CCDC50: variants seen among roughly 807,000 people sequenced by gnomAD.
CCDC50 encodes coiled-coil domain-containing protein 50.
A neutral mutation model predicts 70.2 loss-of-function variants in CCDC50; 54 were observed. That is an observed-to-expected ratio of 0.77 (90% CI 0.62 to 0.96). The LOEUF (loss-of-function observed/expected upper bound fraction) is 0.96. CCDC50 is among the 50% of genes least tolerant of loss of function. The pLI is 0.00. For synonymous variants in CCDC50, 216 were observed against 198.8 expected, an observed-to-expected ratio of 1.09 and a Z score of -0.73; for missense variants, 558 against 578.7, an observed-to-expected ratio of 0.96 and a Z score of 0.37.
chr3:191,331,471 A>T (rs1717982128), intron 1 of CCDC50, among the ~76,000 whole-genome samples: 1 of 152,230 alleles, frequency 6.6e-6, no homozygotes, highest in South Asian at 2.1e-4. Flanking sequence ...TAATACATTT[A>T]AATTAGCTTT....
chr3:191,356,220 T>C (rs904697032), intron 1 of CCDC50, among the ~76,000 whole-genome samples: 1 of 152,152 alleles, frequency 6.6e-6, no homozygotes, highest in African/African-American at 2.4e-5. Context: ...GAATCCTTCA[T>C]GTTTTGTCTG....
intron 5 of CCDC50, 167 bp downstream of exon 5, chr3:191,370,203 C>T: frequency 1.6e-6 from 1 of 623,860 alleles, no homozygotes; most frequent in South Asian, 1.6e-5. Context: ...CTAATAAATT[C>T]ATGTTTTGTT....
At chr3:191,369,875 G>T (rs1336253197) in intron 4 of CCDC50, 44 bp from the exon 5 acceptor site, 1 of 1,414,136 alleles carries the variant, frequency 7.1e-7, no homozygotes, top group Admixed American at 1.7e-5. Context: ...GAGTTTGTTT[G>T]TTCTTTGGTA....
chr3:191,359,920 T>C lies in CCDC50; in HGVS notation c.240-1149T>C, dbSNP rs146800589. 5.0e-3 allele frequency among the ~76,000 whole-genome samples: 760 copies of C among 152,252 alleles called. 7 individuals are homozygous for C. The highest frequency in any genetic ancestry group is 0.018 in the African/African-American group (729 of 41,540). On this transcript the variant is annotated intron_variant, in intron 3 of 11. Transcript: ENST00000392455. ...ATTATCAAGACAAACCACTCAAATA[T>C]AAATCAGGAGTAGAGAGTGATATTT...
intron 4 of CCDC50, among the ~76,000 whole-genome samples, chr3:191,368,587 T>C (rs1712784396): frequency 6.6e-6 from 1 of 151,572 alleles, no homozygotes; most frequent in African/African-American, 2.4e-5. Flanking sequence ...TTCACTTAAA[T>C]TTTCTTTTGA....
At chr3:191,351,663 G>A (rs533055624) in intron 1 of CCDC50, among the ~76,000 whole-genome samples, 2 of 141,418 alleles carry the variant, frequency 1.4e-5, no homozygotes, top group South Asian at 4.5e-4. Context: ...TGCAAGAAGA[G>A]AAAAAATATA....
chr3:191,383,593 T>C (rs2108671883), intron 10 of CCDC50, among the ~76,000 whole-genome samples: 1 of 152,326 alleles, frequency 6.6e-6, no homozygotes, highest in East Asian at 1.9e-4. Flanking sequence ...ACATAACGCT[T>C]ATTTCATTGA....
At chr3:191,353,119 A>G (rs1712157064) in intron 1 of CCDC50, among the ~76,000 whole-genome samples, 1 of 142,290 alleles carries the variant, frequency 7.0e-6, no homozygotes, top group Admixed American at 7.2e-5. Context: ...TCTTTCTGTT[A>G]ATGCTCTTCT....
At chr3:191,347,157 AGG>A (rs1409808520) in intron 1 of CCDC50, among the ~76,000 whole-genome samples, 1 of 142,592 alleles carries the variant, frequency 7.0e-6, no homozygotes, top group Admixed American at 7.1e-5. Flanking sequence ...TGTTTATTGC[AGG>A]ATAATTAACC....
At chr3:191,331,884 A>G (rs556871999) in intron 1 of CCDC50, among the ~76,000 whole-genome samples, 8 of 152,308 alleles carry the variant, frequency 5.3e-5, no homozygotes, top group African/African-American at 1.9e-4. Context: ...TGAAACTCCA[A>G]CTTCATTTGA....
At chr3:191,344,811 T>C (rs557621818) in intron 1 of CCDC50, among the ~76,000 whole-genome samples, 1 of 152,304 alleles carries the variant, frequency 6.6e-6, no homozygotes, top group South Asian at 2.1e-4. Context: ...ACTCGGGAGC[T>C]CAGGCATTCT....
chr3:191,332,044 T>G (rs1718005449), intron 1 of CCDC50, among the ~76,000 whole-genome samples: 2 of 152,194 alleles, frequency 1.3e-5, no homozygotes, highest in African/African-American at 4.8e-5. Context: ...TTTGGTATCA[T>G]GGGGTAGATT....
At chr3:191,375,650 A>AT (rs1713087643) in intron 6 of CCDC50, 61 bp downstream of exon 6, 1 of 1,537,142 alleles carries the variant, frequency 6.5e-7, no homozygotes, top group Non-Finnish European at 8.9e-7. Flanking sequence ...AAACCAATGA[A>AT]TTTAATAAGT....
At chr3:191,365,588 C>G (rs113202858) in intron 4 of CCDC50, among the ~76,000 whole-genome samples, 5 of 152,148 alleles carry the variant, frequency 3.3e-5, no homozygotes, top group African/African-American at 1.2e-4. Context: ...GGATTTATAC[C>G]TGCCTTGACA....
Position 191,369,954 on chromosome 3 carries a change from G to A in CCDC50, c.366G>A (p.Gln122=). The change falls in exon 5 of 12, where the codon CAG becomes CAA. Residue 122 remains glutamine (Q), a synonymous_variant. Coordinates refer to ENST00000392455, the MANE Select transcript of CCDC50 (RefSeq NM_178335.3). ...IARLLQEKEL[Q]EEKKRKKHFP... is the part of the protein sequence containing the mutation. The stretch of plus-strand genomic sequence containing the variant: ...GCCTTTTGCAAGAAAAGGAGTTACA[G>A]GAAGAGAAAAAGAGAAAGAAACACT... The A allele has an allele frequency of 6.2e-7, 1 of 1,613,370 alleles. No individual in the cohort carries two copies. The highest frequency in any genetic ancestry group is 8.5e-7 in the Non-Finnish European group (1 of 1,179,546).
In CCDC50 at chr3:191,382,748, A is replaced by G. The variant is rs748488140; in HGVS notation, c.1245A>G (p.Pro415=). 1 of 1,605,932 alleles carries G rather than the reference A, an allele frequency of 6.2e-7. No homozygotes were observed. Among genetic ancestry groups the G allele is most frequent in the Non-Finnish European group, 8.5e-7 (1 of 1,173,022 alleles). ...DKRKQDPEWK[P]KTAKAANSKS... The stretch of plus-strand genomic sequence containing the variant: ...TTTGTTTGTATTTTTGTCCATAGCC[A>G]AAAACAGCTAAAGCAGCAAATTCCA... The change falls in exon 10 of 12, where the codon CCA becomes CCG. Residue 415 remains proline (P), a splice_region_variant and synonymous_variant. Coordinates refer to ENST00000392455, the MANE Select transcript of CCDC50 (RefSeq NM_178335.3).
In CCDC50 at chr3:191,329,540, C is replaced by T. The variant is rs866363872; in HGVS notation, c.-135C>T. 3.8e-6 allele frequency: 3 copies of T among 794,312 alleles called. No homozygotes were observed. The highest frequency in any genetic ancestry group is 3.3e-5 in the East Asian group (1 of 30,444). 49.2% of individuals were successfully genotyped at this position (794,312 alleles called of 1,614,324 possible). A position where few individuals can be genotyped will look rare whatever the true frequency, so the allele number is the denominator to read the frequency against. On this transcript the variant is annotated 5_prime_UTR_variant, in exon 1 of 12. Transcript: ENST00000392455. ...CAGCCCCTGCCCGCCCGACCCGCTC[C>T]GTTCTCCGGCCTGCGAGCCCTGCCG...
chr3:191,362,822 G>A (rs1712542250), intron 4 of CCDC50, among the ~76,000 whole-genome samples: 1 of 152,156 alleles, frequency 6.6e-6, no homozygotes, highest in South Asian at 2.1e-4. Context: ...GTTTCTTCAA[G>A]AAACAAATCA....
At chr3:191,368,404 G>T (rs886492839) in intron 4 of CCDC50, among the ~76,000 whole-genome samples, 1 of 151,992 alleles carries the variant, frequency 6.6e-6, no homozygotes, top group Admixed American at 6.6e-5. Context: ...ACGTATATAT[G>T]TGTCAGTTAA....
Sources: allele counts gnomAD v4.1 joint callset (sites outside exome capture counted in the v4.1 genomes callset), GRCh38; gene constraint gnomAD v4.1.1; transcripts MANE v1.5; gene names NCBI Gene and HGNC (gene_info 2026-07-23, HGNC 2026-07-21).